The following COL18A1 variants were observed in gnomAD, a reference collection of about 807,000 sequenced individuals.
The protein encoded by COL18A1 is collagen type XVIII alpha 1 chain.
A neutral mutation model predicts 168.0 loss-of-function variants in COL18A1; 133 were observed. The observed-to-expected ratio is 0.79, with a 90% confidence interval of 0.69 to 0.91. The LOEUF is 0.91. COL18A1 is among the 40% of genes least tolerant of loss of function. COL18A1 has a pLI of 0.00. For missense variants in COL18A1, 2,126 were observed against 1,925.4 expected (o/e 1.10, Z -1.95); for synonymous variants, 949 against 809.0 (o/e 1.17, Z -2.94).
intron 2 of COL18A1, among the ~76,000 whole-genome samples, chr21:45,429,587 C>A (rs117828698): frequency 0.029 from 4,359 of 152,276 alleles, 75 homozygotes; most frequent in Middle Eastern, 0.061. Context: ...CATGATGGGG[C>A]TGGAGGCATC....
At chr21:45,475,195 C>T (rs1195788454) in intron 4 of COL18A1, among the ~76,000 whole-genome samples, 2 of 152,224 alleles carry the variant, frequency 1.3e-5, no homozygotes, top group Non-Finnish European at 2.9e-5. Flanking sequence ...GCGCGTTCCC[C>T]CTCCCGCCTC....
At chr21:45,509,095 G>A (rs1346081803) in intron 38 of COL18A1, among the ~76,000 whole-genome samples, 1 of 152,134 alleles carries the variant, frequency 6.6e-6, no homozygotes, top group African/African-American at 2.4e-5. Context: ...GGCACGTGGT[G>A]AGTGATTGCT....
At chr21:45,506,995 TCC>T in intron 37 of COL18A1, 1 of 287,084 alleles carries the variant, frequency 3.5e-6, no homozygotes, top group South Asian at 3.2e-5. Context: ...TGCAGCCCCA[TCC>T]TAACTTTCAG....
intron 33 of COL18A1, 37 bp downstream of exon 33, chr21:45,504,091 G>A (rs773830583): frequency 6.2e-7 from 1 of 1,607,144 alleles, no homozygotes; most frequent in Non-Finnish European, 8.5e-7. Flanking sequence ...GGCCCCCAAG[G>A]TCCTGTACAT....
chr21:45,497,831 G>T, intron 32 of COL18A1, 170 bp downstream of exon 32: 1 of 884,002 alleles, frequency 1.1e-6, no homozygotes, highest in South Asian at 1.6e-5. Flanking sequence ...GGCCTCATAG[G>T]ACCTGGATTT....
At position 45,512,685 on chromosome 21, in the gene COL18A1, C is replaced by T; in HGVS notation, c.*287C>T. ...TGCAGTATCATGCCCTGTGCAACCT[C>T]TTGGCCTGATCAGACCACGGCTCGA... is the stretch of plus-strand genomic sequence containing the variant. On this transcript the variant is annotated 3_prime_UTR_variant, in exon 42 of 42. Transcript: ENST00000651438. 1 of 506,764 alleles carries T rather than the reference C, an allele frequency of 2.0e-6. No homozygotes were observed. The highest frequency in any genetic ancestry group is 2.1e-5 in the South Asian group (1 of 47,924). 31.4% of individuals were successfully genotyped at this position (506,764 alleles called of 1,614,324 possible).
chr21:45,437,510 C>T (rs1158445217), intron 2 of COL18A1, among the ~76,000 whole-genome samples: 2 of 43,820 alleles, frequency 4.6e-5, no homozygotes, highest in Non-Finnish European at 8.3e-5. Flanking sequence ...AGGCACTCTC[C>T]TGCACACACA....
chr21:45,474,349 G>GTA lies in COL18A1; in HGVS notation c.738+369_738+370insAT, dbSNP rs200529764. 4.0e-3 allele frequency among the ~76,000 whole-genome samples: 597 copies of GTA among 150,480 alleles called. 7 individuals are homozygous for GTA. Among genetic ancestry groups the GTA allele is most frequent in the African/African-American group, 0.014 (575 of 40,582 alleles). ...TTGTGTGTTGTGTGTGGATGTGTGTGTGTCTGTGTGGTGTGTCTGTCTTGT... is the reference window on the plus strand; with the variant it reads ...TTGTGTGTTGTGTGTGGATGTGTGTGTATGTCTGTGTGGTGTGTCTGTCTTGT... On this transcript the variant is annotated intron_variant, in intron 4 of 41. Coordinates refer to ENST00000651438, the MANE Select transcript of COL18A1 (RefSeq NM_001379500.1).
intron 2 of COL18A1, among the ~76,000 whole-genome samples, chr21:45,446,562 A>G (rs1438511352): frequency 1.3e-5 from 2 of 152,254 alleles, no homozygotes; most frequent in South Asian, 4.1e-4. Flanking sequence ...TCCCAGCTAA[A>G]TTCTACCAAG....
chr21:45,407,367 T>C (rs2033148192), intron 2 of COL18A1: 1 of 152,294 alleles, frequency 6.6e-6, no homozygotes, highest in Non-Finnish European at 1.5e-5. Context: ...GTGCTACACT[T>C]GATCCCTAGA....
chr21:45,412,353 C>T (rs2033324073), intron 2 of COL18A1, among the ~76,000 whole-genome samples: 2 of 151,694 alleles, frequency 1.3e-5, no homozygotes, highest in Non-Finnish European at 2.9e-5. Flanking sequence ...TCTCCTGCCT[C>T]AGCCTCCTGA....
intron 2 of COL18A1, among the ~76,000 whole-genome samples, chr21:45,413,553 C>T (rs946923849): frequency 2.0e-5 from 3 of 152,222 alleles, no homozygotes; most frequent in African/African-American, 4.8e-5. Flanking sequence ...CGGAGGGAGG[C>T]GTCTGTGCTT....
chr21:45,477,715 C>A, intron 7 of COL18A1, 35 bp from the exon 8 acceptor site: 2 of 1,507,832 alleles, frequency 1.3e-6, no homozygotes, highest in Non-Finnish European at 1.8e-6. Context: ...TGGGGCCCCA[C>A]CCCAGCCCGA....
intron 9 of COL18A1, 95 bp downstream of exon 9, chr21:45,478,448 C>A: frequency 6.5e-7 from 1 of 1,531,988 alleles, no homozygotes; most frequent in Non-Finnish European, 9.0e-7. Context: ...TAAACGCGAC[C>A]CAGTGAGGAG....
intron 9 of COL18A1, among the ~76,000 whole-genome samples, chr21:45,479,553 C>T (rs921589276): frequency 2.0e-5 from 3 of 147,044 alleles, no homozygotes; most frequent in East Asian, 2.1e-4. Context: ...ATCACACATA[C>T]ATATCACACA....
intron 2 of COL18A1, among the ~76,000 whole-genome samples, chr21:45,468,027 T>C (rs2035277276): frequency 6.6e-6 from 1 of 152,212 alleles, no homozygotes; most frequent in African/African-American, 2.4e-5. Flanking sequence ...CACAGGTTTC[T>C]GCATGGAGCC....
At position 45,512,359 on chromosome 21, in the gene COL18A1, G is replaced by A; in HGVS notation, c.3981G>A (p.Val1327=). Residue 1327 remains valine, a synonymous_variant, in exon 42 of 42, where the codon GTG becomes GTA. Coordinates refer to ENST00000651438, the MANE Select transcript of COL18A1 (RefSeq NM_001379500.1). ...CGAGCTGCCATCACGCCTACATCGTGCTCTGCATTGAGAACAGCTTCATGA... is the reference window on the plus strand; with the variant it reads ...CGAGCTGCCATCACGCCTACATCGTACTCTGCATTGAGAACAGCTTCATGA... ...SAASCHHAYI[V]LCIENSFMTA... The A allele has an allele frequency of 6.2e-7, 1 of 1,612,760 alleles. No homozygotes were observed. Among genetic ancestry groups the A allele is most frequent in the Non-Finnish European group, 8.5e-7 (1 of 1,179,830 alleles).
At chr21:45,497,187 C>G (rs2036572479) in intron 31 of COL18A1, 95 bp downstream of exon 31, 1 of 856,626 alleles carries the variant, frequency 1.2e-6, no homozygotes, top group Non-Finnish European at 2.0e-6. Context: ...TGAGACTCCC[C>G]CAGTGGCCCA....
intron 2 of COL18A1, among the ~76,000 whole-genome samples, chr21:45,447,492 C>T (rs1018253230): frequency 1.3e-5 from 2 of 152,110 alleles, no homozygotes; most frequent in Admixed American, 1.3e-4. Flanking sequence ...AACTACAAAG[C>T]AACATTGAAA....
Sources: allele counts gnomAD v4.1 joint callset (sites outside exome capture counted in the v4.1 genomes callset), GRCh38; gene constraint gnomAD v4.1.1; transcripts MANE v1.5; gene names NCBI Gene and HGNC (gene_info 2026-07-23, HGNC 2026-07-21).